Variants in FAM91A1 observed in about 807,000 individuals in gnomAD.
FAM91A1 encodes the protein protein FAM91A1.
In FAM91A1, 41 loss-of-function variants were observed where a neutral mutation model predicts 113.5. The ratio of observed to expected loss-of-function variants is 0.36; its 90% CI spans 0.28 to 0.47. The LOEUF (loss-of-function observed/expected upper bound fraction) is 0.47. FAM91A1 is among the 20% of genes least tolerant of loss of function. FAM91A1 has a pLI of 1.00. For synonymous variants in FAM91A1, 307 were observed against 347.9 expected (o/e 0.88, Z 1.31); for missense variants, 696 against 1,001.2 (o/e 0.70, Z 4.11).
At chr8:123,790,549 A>G (rs960232477) in intron 15 of FAM91A1, among the ~76,000 whole-genome samples, 2 of 152,226 alleles carry the variant, frequency 1.3e-5, no homozygotes, top group South Asian at 2.1e-4. Context: ...AATTTTGATT[A>G]GTTTCATTTA....
intron 21 of FAM91A1, 23 bp from the exon 22 acceptor site, chr8:123,808,869 AT>A (rs1815878380): frequency 6.3e-7 from 1 of 1,591,488 alleles, no homozygotes. Context: ...TGATAAAAAA[AT>A]AAGTTTATGT....
At chr8:123,805,773 A>T (rs999151650) in intron 19 of FAM91A1, among the ~76,000 whole-genome samples, 1 of 152,122 alleles carries the variant, frequency 6.6e-6, no homozygotes, top group Non-Finnish European at 1.5e-5. Context: ...GCCTTGGGGG[A>T]TTATTGTGTG....
At chr8:123,797,369 T>TA (rs1815551860) in intron 15 of FAM91A1, among the ~76,000 whole-genome samples, 1 of 152,142 alleles carries the variant, frequency 6.6e-6, no homozygotes, top group Admixed American at 6.5e-5. Context: ...AGATGGAACT[T>TA]ACAGTGTGTT....
rs914726753 is a variant in FAM91A1 at position 123,769,137 on chromosome 8, T to C, written c.72+363T>C. 3.3e-5 allele frequency among the ~76,000 whole-genome samples: 5 copies of C among 152,246 alleles called. No homozygotes were observed. In the South Asian group the frequency reaches 6.2e-4, roughly 19 times the overall value. On this transcript the variant is annotated intron_variant, in intron 1 of 23. Transcript: ENST00000334705. ...GGAAACAAATGAATACGATACAGGA[T>C]GATAGCAGCTCATACACACCTGCAT...
rs564414718 is a variant in FAM91A1 at position 123,812,182 on chromosome 8, G to GTT, written c.2332-323_2332-322dup. ...AAGCCACTGCACCTGGCCTTTGTAA[G>GTT]TTTTTTTTTTTTTTTAGAGATTTTT... On this transcript the variant is annotated intron_variant, in intron 23 of 23. Transcript: ENST00000334705. 1,054 of 153,264 alleles carry GTT rather than the reference G, an allele frequency of 6.9e-3. 6 individuals carry two copies. The highest frequency in any genetic ancestry group is 0.015 in the Middle Eastern group (5 of 336). The allele number at this position is 153,264 out of a possible 1,614,324, so 9.5% of individuals were successfully genotyped here.
chr8:123,789,851 G>A (rs1586381795), intron 15 of FAM91A1, 106 bp downstream of exon 15: 10 of 1,308,816 alleles, frequency 7.6e-6, no homozygotes, highest in Non-Finnish European at 9.3e-6. Flanking sequence ...CGTATTTTGT[G>A]TAGATAGCAT....
rs1056247358 is a variant in FAM91A1, at chr8:123,805,354, G to C, written c.1882+15G>C. The C allele has an allele frequency of 6.4e-7, 1 of 1,563,940 alleles. No homozygotes were observed. The highest frequency in any genetic ancestry group is 1.4e-5 in the African/African-American group (1 of 71,126). ...ACTACAAGGAGGTACCTTTTGAATT[G>C]TATCTATTGACTTTTTTTTTTTTTT... On this transcript the variant is annotated intron_variant, in intron 19 of 23. Coordinates refer to ENST00000334705, the MANE Select transcript of FAM91A1 (RefSeq NM_144963.4).
At chr8:123,786,109 G>A in intron 11 of FAM91A1, 1 of 263,090 alleles carries the variant, frequency 3.8e-6, no homozygotes, top group South Asian at 4.4e-5. Context: ...GTGAGCCACT[G>A]CACCTGGCCC....
Position 123,777,446 on chromosome 8 carries a change from A to G in FAM91A1, c.367+124A>G, listed in dbSNP as rs964042897. 19 of 815,304 alleles carry G rather than the reference A, an allele frequency of 2.3e-5. 1 individual carries two copies. Among genetic ancestry groups the G allele is most frequent in the South Asian group, 1.1e-4 (6 of 56,318 alleles). The allele number at this position is 815,304 out of a possible 1,614,324, so 50.5% of individuals were successfully genotyped here. A position where few individuals can be genotyped will look rare whatever the true frequency, so the allele number is the denominator to read the frequency against. ...ATGTGAAAAATGAGAACAGTAAGCA[A>G]CATTATCAGTGAGAATTTTATCAGA... On this transcript the variant is annotated intron_variant, in intron 4 of 23. Coordinates refer to ENST00000334705, the MANE Select transcript of FAM91A1 (RefSeq NM_144963.4).
chr8:123,798,215 C>T lies in FAM91A1; in HGVS notation c.1537C>T (p.Pro513Ser), dbSNP rs1430623471. ...GGCTCCCCTCACCAATGAAATCCGG[C>T]CTGTCAGCAGCTGCACCCCTCAGGT... ...SMAPLTNEIRPVSSCTPQHIG... is the reference protein window; with the variant it reads ...SMAPLTNEIRSVSSCTPQHIG... The change falls in exon 16 of 24, where the codon CCT (proline) becomes TCT (serine). Residue 513 changes from proline to serine, a missense_variant. Physicochemically the swap from Pro to Ser is moderately conservative, Grantham distance 74 (BLOSUM62 -1). Coordinates refer to ENST00000334705, the MANE Select transcript of FAM91A1 (RefSeq NM_144963.4). 3.1e-6 allele frequency: 5 copies of T among 1,613,854 alleles called. No homozygotes were observed. In the South Asian group the frequency reaches 5.5e-5, roughly 18 times the overall value.
At chr8:123,771,565 T>A (rs1814838414) in intron 1 of FAM91A1, among the ~76,000 whole-genome samples, 1 of 152,192 alleles carries the variant, frequency 6.6e-6, no homozygotes, top group East Asian at 1.9e-4. Context: ...GATAGACTTT[T>A]AAAAAATATA....
chr8:123,778,888 CTT>C (rs1815052235), intron 6 of FAM91A1, 116 bp downstream of exon 6: 1 of 706,754 alleles, frequency 1.4e-6, no homozygotes, highest in African/African-American at 1.9e-5. Flanking sequence ...GAAAAGGAAA[CTT>C]AAATTTAAAA....
chr8:123,794,902 C>T (rs1247300947), intron 15 of FAM91A1, among the ~76,000 whole-genome samples: 2 of 152,142 alleles, frequency 1.3e-5, no homozygotes, highest in Non-Finnish European at 2.9e-5. Context: ...GTGTAAAAGA[C>T]GATTGTTAAA....
chr8:123,775,263 A>T lies in FAM91A1; in HGVS notation c.274A>T (p.Ile92Leu). 1 of 1,613,978 alleles carries T rather than the reference A, an allele frequency of 6.2e-7. No homozygotes were observed. Among genetic ancestry groups the T allele is most frequent in the Non-Finnish European group, 8.5e-7 (1 of 1,179,922 alleles). ...GGATATTATGGTGAAAGGCTTGAGG[A>T]TAACACCATTTTCATATTATACTGG... is the stretch of plus-strand genomic sequence containing the variant. ...LSDIMVKGLR[I>L]TPFSYYTGIM... The change falls in exon 3 of 24, where the codon ATA (isoleucine) becomes TTA (leucine). Residue 92 changes from isoleucine to leucine, a missense_variant. By Grantham distance (5) the Ile-to-Leu change is conservative (BLOSUM62 2). Coordinates refer to ENST00000334705, the MANE Select transcript of FAM91A1 (RefSeq NM_144963.4).
intron 23 of FAM91A1, chr8:123,811,362 T>C (rs1238987095): frequency 6.6e-6 from 1 of 152,194 alleles, no homozygotes; most frequent in African/African-American, 2.4e-5. Flanking sequence ...AGAGAGGTTA[T>C]TTCTGAAGGA....
At chr8:123,798,849 G>A (rs1257062786) in intron 16 of FAM91A1, among the ~76,000 whole-genome samples, 3 of 152,154 alleles carry the variant, frequency 2.0e-5, no homozygotes, top group African/African-American at 7.2e-5. Flanking sequence ...ATTCTTGTAC[G>A]CAGGTAATTT....
chr8:123,806,363 G>A (rs1815812562), intron 20 of FAM91A1, 134 bp downstream of exon 20: 11 of 989,106 alleles, frequency 1.1e-5, no homozygotes, highest in South Asian at 9.5e-5. Context: ...ACTGAAGCAC[G>A]AGGAAATATT....
chr8:123,779,998 C>T lies in FAM91A1; in HGVS notation c.563C>T (p.Pro188Leu). The change falls in exon 7 of 24, where the codon CCT (proline) becomes CTT (leucine). Residue 188 changes from proline (P) to leucine (L), a missense_variant. Transcript: ENST00000334705. ...TEDDIKICTLPEKCAVDKIID... is the reference protein window; with the variant it reads ...TEDDIKICTLLEKCAVDKIID... Reference sequence around the variant, plus strand: ...TGCTTTTCTTAGATATGCACTTTGCCTGAGAAATGCGCTGTTGATAAGATC... The same window carrying T: ...TGCTTTTCTTAGATATGCACTTTGCTTGAGAAATGCGCTGTTGATAAGATC... The T allele has an allele frequency of 1.9e-6, 3 of 1,612,724 alleles. No individual in the cohort carries two copies. The highest frequency in any genetic ancestry group is 2.2e-5 in the East Asian group (1 of 44,808).
chr8:123,780,495 G>A lies in FAM91A1; in HGVS notation c.656G>A (p.Gly219Glu), dbSNP rs1313644567. Residue 219 changes from glycine (G) to glutamate (E), a missense_variant, in exon 8 of 24, where the codon GGA becomes GAA. Transcript: ENST00000334705. ...YNVVHSLYNK[G>E]FIYLDVPISD... ...GTTTCTTCAGGTTTGTATAACAAAG[G>A]ATTTATTTATCTGGATGTACCAATA... 3 of 1,611,412 alleles carry A rather than the reference G, an allele frequency of 1.9e-6. No homozygotes were observed. Among genetic ancestry groups the A allele is most frequent in the Middle Eastern group, 1.7e-4 (1 of 6,050 alleles).
Sources: gnomAD v4.1 joint callset for allele counts (sites outside exome capture counted in the v4.1 genomes callset) on GRCh38, gnomAD v4.1.1 for gene constraint, MANE v1.5 for transcripts, NCBI Gene and HGNC (gene_info 2026-07-23, HGNC 2026-07-21) for gene names.